The following TCAIM variants were observed in gnomAD, a reference collection of about 807,000 sequenced individuals.
TCAIM encodes the protein T-cell activation inhibitor, mitochondrial.
A neutral mutation model predicts 58.6 loss-of-function variants in TCAIM; 36 were observed. The observed-to-expected ratio is 0.61, with a 90% CI of 0.47 to 0.81. The LOEUF is 0.81. Among genes scored for constraint, TCAIM ranks in the 30% least tolerant of loss-of-function variants. The pLI is 0.00. For missense variants in TCAIM, 466 were observed against 579.6 expected, an observed-to-expected ratio of 0.80 and a Z score of 2.01; for synonymous variants, 172 against 193.6, an observed-to-expected ratio of 0.89 and a Z score of 0.93.
At chr3:44,338,704 CA>C (rs1346986764), upstream of TCAIM, 3 of 152,348 alleles carry the variant, frequency 2.0e-5, no homozygotes, top group African/African-American at 7.2e-5. Flanking sequence ...GCTGGTTGGC[CA>C]GCTGACGCCC....
At chr3:44,360,924 C>T (rs1475619337) in intron 3 of TCAIM, among the ~76,000 whole-genome samples, 1 of 152,106 alleles carries the variant, frequency 6.6e-6, no homozygotes, top group Non-Finnish European at 1.5e-5. Context: ...TGTTGCTTTT[C>T]AGCAAAAATA....
intron 1 of TCAIM, among the ~76,000 whole-genome samples, chr3:44,342,919 C>G (rs1473260158): frequency 1.3e-5 from 2 of 151,916 alleles, no homozygotes; most frequent in Non-Finnish European, 2.9e-5. Flanking sequence ...GGAGGATCAG[C>G]TGAGGTCAGG....
chr3:44,363,283 A>G (rs930041100), intron 4 of TCAIM, among the ~76,000 whole-genome samples: 3 of 152,202 alleles, frequency 2.0e-5, no homozygotes, highest in African/African-American at 7.2e-5. Context: ...TGTATACCAC[A>G]TTATCTATTA....
intron 1 of TCAIM, among the ~76,000 whole-genome samples, chr3:44,346,133 G>A (rs1275798789): frequency 6.6e-6 from 1 of 152,202 alleles, no homozygotes; most frequent in Non-Finnish European, 1.5e-5. Context: ...TTTTAAGTTG[G>A]AGGCTGAGCT....
At position 44,394,816 on chromosome 3, in the gene TCAIM, C is replaced by T. The variant is rs1381595904; in HGVS notation, c.696-1584C>T. Among the ~76,000 whole-genome samples the T allele has an allele frequency of 1.4e-5, 2 of 140,206 alleles. 1 individual carries two copies. The highest frequency in any genetic ancestry group is 4.5e-4 in the East Asian group (2 of 4,434). The allele number at this position is 140,206 out of a possible 152,430, so 92.0% of individuals were successfully genotyped here. ...GGCTGAGGCAGGAGAATTGCTTGAACTCAGGAGACAGAGGTTGCAGTGAGC... is the reference window on the plus strand; with the variant it reads ...GGCTGAGGCAGGAGAATTGCTTGAATTCAGGAGACAGAGGTTGCAGTGAGC... On this transcript the variant is annotated intron_variant, in intron 6 of 10. Coordinates refer to ENST00000342649, the MANE Select transcript of TCAIM (RefSeq NM_173826.4).
Position 44,353,222 on chromosome 3 carries a change from A to G in TCAIM, c.-44-1517A>G, listed in dbSNP as rs1487295616. ...AGGCATGAGCCACCGCGCCTGGCCAACTTCTTTAACTTAGTAGTATCCAGT... is the reference window on the plus strand; with the variant it reads ...AGGCATGAGCCACCGCGCCTGGCCAGCTTCTTTAACTTAGTAGTATCCAGT... On this transcript the variant is annotated intron_variant, in intron 1 of 10. Coordinates refer to ENST00000342649, the MANE Select transcript of TCAIM (RefSeq NM_173826.4). Among the ~76,000 whole-genome samples, 6 of 115,258 alleles carry G rather than the reference A, an allele frequency of 5.2e-5. No individual in the cohort carries two copies. In the East Asian group the frequency reaches 3.1e-3, roughly 60 times the overall value. 75.6% of individuals were successfully genotyped at this position (115,258 alleles called of 152,430 possible). A position where few individuals can be genotyped will look rare whatever the true frequency, so the allele number is the denominator to read the frequency against.
intron 1 of TCAIM, among the ~76,000 whole-genome samples, chr3:44,344,194 C>T (rs1047502495): frequency 2.6e-5 from 4 of 151,894 alleles, no homozygotes; most frequent in Non-Finnish European, 4.4e-5. Context: ...GTATTTTTAG[C>T]AGAGATGGGG....
chr3:44,357,100 T>G (rs1387653229), intron 2 of TCAIM, among the ~76,000 whole-genome samples: 1 of 152,064 alleles, frequency 6.6e-6, no homozygotes, highest in Non-Finnish European at 1.5e-5. Context: ...ATCAAAATGT[T>G]TGCTACTATA....
Position 44,401,307 on chromosome 3 carries a change from C to G in TCAIM, c.1223C>G (p.Ala408Gly). 3 of 1,613,870 alleles carry G rather than the reference C, an allele frequency of 1.9e-6. No individual in the cohort carries two copies. The highest frequency in any genetic ancestry group is 2.5e-6 in the Non-Finnish European group (3 of 1,179,952). Residue 408 changes from alanine to glycine, a missense_variant, in exon 10 of 11, where the codon GCA becomes GGA. Physicochemically the swap from Ala to Gly is moderately conservative, Grantham distance 60 (BLOSUM62 0). Transcript: ENST00000342649. ...TTTATTCTCACCAAAGCTCAGCAGGCAAGAGAGAACATGAAAAGAAAGGAA... is the reference window on the plus strand; with the variant it reads ...TTTATTCTCACCAAAGCTCAGCAGGGAAGAGAGAACATGAAAAGAAAGGAA... The part of the protein sequence containing the change: ...QWFILTKAQQ[A>G]RENMKRKEEL...
At chr3:44,358,201 CT>C (rs760124398) in intron 3 of TCAIM, 65,076 of 1,054,198 alleles carry the variant, frequency 0.062, no homozygotes, top group South Asian at 0.085. Context: ...ATCTCTCTCT[CT>C]TTTTTTTTTT....
At chr3:44,396,874 A>G (rs750097292) in intron 8 of TCAIM, 40 bp downstream of exon 8, 1 of 1,565,166 alleles carries the variant, frequency 6.4e-7, no homozygotes, top group Non-Finnish European at 8.8e-7. Flanking sequence ...CTTGTCATTC[A>G]TAAACTTTCA....
In TCAIM at chr3:44,367,464, G is replaced by A. The variant is rs1260136970; in HGVS notation, c.328G>A (p.Ala110Thr). 6 of 1,605,578 alleles carry A rather than the reference G, an allele frequency of 3.7e-6. No homozygotes were observed. Among genetic ancestry groups the A allele is most frequent in the African/African-American group, 1.3e-5 (1 of 74,772 alleles). ...QEPFSTSGFR[A>T]VKFTLHTRDL... ...GGAATTATATTCTCTAGGATTTCGA[G>A]CAGTCAAATTTACTTTGCACACCAG... Residue 110 changes from alanine (A) to threonine (T), a missense_variant, in exon 5 of 11, where the codon GCA becomes ACA. Ala to Thr is a moderately conservative substitution (Grantham distance 58). Coordinates refer to ENST00000342649, the MANE Select transcript of TCAIM (RefSeq NM_173826.4).
intron 5 of TCAIM, among the ~76,000 whole-genome samples, chr3:44,388,467 C>T (rs750112226): frequency 8.5e-5 from 13 of 152,126 alleles, no homozygotes; most frequent in Non-Finnish European, 1.3e-4. Flanking sequence ...TGCAGGCCTA[C>T]CCCAGAAGTG....
At chr3:44,383,317 A>G (rs939286191) in intron 5 of TCAIM, among the ~76,000 whole-genome samples, 6 of 152,204 alleles carry the variant, frequency 3.9e-5, no homozygotes, top group African/African-American at 1.4e-4. Context: ...CCATCAGTGG[A>G]TGAATGGATA....
At chr3:44,372,002 GAA>G (rs1491415739) in intron 5 of TCAIM, among the ~76,000 whole-genome samples, 383 of 146,816 alleles carry the variant, frequency 2.6e-3, no homozygotes, top group African/African-American at 8.8e-3. Context: ...GAGAGAGAGA[GAA>G]AGAGAGAAGG....
In TCAIM at chr3:44,396,756, ATT is replaced by A; in HGVS notation, c.809_810del (p.Phe270TyrfsTer28). On this transcript the variant is annotated frameshift_variant, in exon 8 of 11. Coordinates refer to ENST00000342649, the MANE Select transcript of TCAIM (RefSeq NM_173826.4). LOFTEE classifies it high-confidence loss of function. ...LKKAKGCTII[F>X]TDRSGMSAVG... ...TTTTGTCATCAGGGTGTACAATCAT[ATT>A]TACAGACCGTTCTGGCATGAGTGCA... 6.2e-7 allele frequency: 1 copy of A among 1,614,100 alleles called. No individual in the cohort carries two copies. Among genetic ancestry groups the A allele is most frequent in the Middle Eastern group, 1.6e-4 (1 of 6,062 alleles).
chr3:44,380,214 G>A (rs1701633360), intron 5 of TCAIM, among the ~76,000 whole-genome samples: 1 of 152,136 alleles, frequency 6.6e-6, no homozygotes, highest in South Asian at 2.1e-4. Flanking sequence ...CTGTCTGATA[G>A]ATCAGTAAGG....
rs537710772 is a variant in TCAIM at position 44,354,558 on chromosome 3, CATTT to C, written c.-44-175_-44-172del. On this transcript the variant is annotated intron_variant, in intron 1 of 10. Coordinates refer to ENST00000342649, the MANE Select transcript of TCAIM (RefSeq NM_173826.4). ...TATCCATGAACATGGAGTATCTCTC[CATTT>C]ATTTAGTCTTCCTGTTTCCTTCATC... Among the ~76,000 whole-genome samples, 529 of 152,244 alleles carry C rather than the reference CATTT, an allele frequency of 3.5e-3. 3 individuals are homozygous for C. The highest frequency in any genetic ancestry group is 0.012 in the African/African-American group (501 of 41,518).
At chr3:44,395,608 A>G (rs1026321866) in intron 6 of TCAIM, among the ~76,000 whole-genome samples, 1 of 152,240 alleles carries the variant, frequency 6.6e-6, no homozygotes, top group African/African-American at 2.4e-5. Flanking sequence ...GTCAGGTTCC[A>G]TGTGTCACTG....
Sources: gnomAD v4.1 joint callset for allele counts (sites outside exome capture counted in the v4.1 genomes callset) on GRCh38, gnomAD v4.1.1 for gene constraint, MANE v1.5 for transcripts, NCBI Gene and HGNC (gene_info 2026-07-23, HGNC 2026-07-21) for gene names.